Variants in PTCHD4 observed in about 807,000 individuals in gnomAD.
PTCHD4 encodes the protein patched domain containing 4.
In PTCHD4, 33 loss-of-function variants were observed where a neutral mutation model predicts 58.1. The observed-to-expected ratio is 0.57, with a 90% CI of 0.43 to 0.76. The LOEUF (loss-of-function observed/expected upper bound fraction) is 0.76. PTCHD4 is among the 30% of genes least tolerant of loss of function. The probability of loss-of-function intolerance (pLI) is 0.00; values close to 1 mark genes in which losing one functional copy is unlikely to be tolerated. For synonymous variants in PTCHD4, 478 were observed against 409.6 expected (o/e 1.17, Z -2.02); for missense variants, 1,058 against 1,027.1 (o/e 1.03, Z -0.41).
rs141959514 is a variant in PTCHD4 at position 47,962,651 on chromosome 6, G to A, written c.898+45983C>T. ...GTTTGTTGCTTCCCCTTGGCCTTCC[G>A]CCATGATTATTAGTTTCCTGAGGCC... is the stretch of plus-strand genomic sequence containing the variant. On this transcript the variant is annotated intron_variant, in intron 4 of 4. Coordinates refer to ENST00000339488, the MANE Select transcript of PTCHD4 (RefSeq NM_001384253.1). 1.1e-4 allele frequency among the ~76,000 whole-genome samples: 17 copies of A among 152,222 alleles called. No individual in the cohort carries two copies. In the East Asian group the frequency reaches 2.1e-3, roughly 19 times the overall value.
chr6:48,104,263 C>G (rs1212604116), intron 1 of PTCHD4, among the ~76,000 whole-genome samples: 2 of 152,224 alleles, frequency 1.3e-5, no homozygotes. Context: ...TCGGCAGAAA[C>G]TCTACAAGCC....
At chr6:47,933,085 AC>A (rs747568118) in intron 4 of PTCHD4, among the ~76,000 whole-genome samples, 9 of 152,236 alleles carry the variant, frequency 5.9e-5, no homozygotes, top group Non-Finnish European at 1.3e-4. Flanking sequence ...GTTCAAGGTT[AC>A]ACTTTCTGCA....
chr6:47,976,995 A>T (rs1037237180), intron 4 of PTCHD4, among the ~76,000 whole-genome samples: 2 of 152,148 alleles, frequency 1.3e-5, no homozygotes, highest in East Asian at 3.9e-4. Flanking sequence ...TAATTCGAGG[A>T]TGTTATTAAA....
chr6:47,949,584 T>C (rs1327812039), intron 4 of PTCHD4, among the ~76,000 whole-genome samples: 1 of 152,150 alleles, frequency 6.6e-6, no homozygotes, highest in Non-Finnish European at 1.5e-5. Flanking sequence ...GGGGTTGCTA[T>C]GGCTGTCTGT....
intron 4 of PTCHD4, among the ~76,000 whole-genome samples, chr6:47,945,152 C>A (rs1205620208): frequency 6.6e-6 from 1 of 152,002 alleles, no homozygotes; most frequent in Non-Finnish European, 1.5e-5. Flanking sequence ...TTACTATAAT[C>A]ATTAGGTACA....
At chr6:48,011,322 A>T in intron 3 of PTCHD4, among the ~76,000 whole-genome samples, 1 of 152,150 alleles carries the variant, frequency 6.6e-6, no homozygotes, top group East Asian at 1.9e-4. Context: ...CATTTCTCTA[A>T]TGAGCAGTGA....
intron 4 of PTCHD4, among the ~76,000 whole-genome samples, chr6:47,928,839 TTGAA>T (rs1283072450): frequency 1.3e-5 from 2 of 152,186 alleles, no homozygotes; most frequent in South Asian, 2.1e-4. Context: ...GTTTTTAATG[TTGAA>T]TGAATGAGTT....
chr6:47,914,372 G>A (rs1300934411), intron 4 of PTCHD4, among the ~76,000 whole-genome samples: 2 of 152,056 alleles, frequency 1.3e-5, no homozygotes, highest in Admixed American at 6.6e-5. Flanking sequence ...AAAGCCAATT[G>A]TTCTCAATGT....
chr6:48,082,570 C>A (rs999494363), intron 1 of PTCHD4, among the ~76,000 whole-genome samples: 2 of 152,190 alleles, frequency 1.3e-5, no homozygotes, highest in Non-Finnish European at 2.9e-5. Flanking sequence ...CTTCTATCCA[C>A]ATCTTCCTAC....
chr6:47,984,821 TTGAA>T (rs1768002372), intron 4 of PTCHD4, among the ~76,000 whole-genome samples: 1 of 152,012 alleles, frequency 6.6e-6, no homozygotes, highest in African/African-American at 2.4e-5. Context: ...TAAAATAAAT[TTGAA>T]TGTAATATAA....
intron 4 of PTCHD4, among the ~76,000 whole-genome samples, chr6:47,890,336 A>T (rs931398092): frequency 6.6e-6 from 1 of 152,094 alleles, no homozygotes; most frequent in Non-Finnish European, 1.5e-5. Flanking sequence ...AAGTGGGCCA[A>T]ACTTGGTAAT....
chr6:48,032,069 C>CAA (rs1191760705), intron 3 of PTCHD4, among the ~76,000 whole-genome samples: 49 of 140,278 alleles, frequency 3.5e-4, no homozygotes, highest in Non-Finnish European at 6.7e-4. Flanking sequence ...TCCACAAACC[C>CAA]CAGGCATTTT....
intron 1 of PTCHD4, among the ~76,000 whole-genome samples, chr6:48,070,155 GTATATA>G (rs910679496): frequency 4.0e-5 from 4 of 100,266 alleles, no homozygotes; most frequent in East Asian, 2.7e-4. Flanking sequence ...GTGTGTGTGT[GTATATA>G]TATATATGAA....
intron 3 of PTCHD4, among the ~76,000 whole-genome samples, chr6:48,059,655 C>CA (rs973646459): frequency 6.6e-6 from 1 of 151,816 alleles, no homozygotes; most frequent in Admixed American, 6.6e-5. Context: ...AACAAACAAA[C>CA]AAAAAAGTAC....
At chr6:47,946,394 G>A (rs1766419689) in intron 4 of PTCHD4, among the ~76,000 whole-genome samples, 1 of 152,060 alleles carries the variant, frequency 6.6e-6, no homozygotes, top group Non-Finnish European at 1.5e-5. Flanking sequence ...TATCAGAATT[G>A]TTGCATCTTT....
chr6:47,923,550 T>C (rs940140898), intron 4 of PTCHD4, among the ~76,000 whole-genome samples: 7 of 152,178 alleles, frequency 4.6e-5, no homozygotes, highest in Non-Finnish European at 8.8e-5. Flanking sequence ...AAAACTGGTG[T>C]TGTTTTTGTT....
At chr6:48,015,721 T>G (rs1762844930) in intron 3 of PTCHD4, among the ~76,000 whole-genome samples, 4 of 152,026 alleles carry the variant, frequency 2.6e-5, no homozygotes, top group Admixed American at 2.0e-4. Flanking sequence ...GAAATGATCT[T>G]ATTTTATCAT....
chr6:48,013,755 A>C (rs569540308), intron 3 of PTCHD4, among the ~76,000 whole-genome samples: 1 of 152,174 alleles, frequency 6.6e-6, no homozygotes, highest in Non-Finnish European at 1.5e-5. Flanking sequence ...GAAAGTTTTT[A>C]AAAAGCATTA....
At position 47,864,648 on chromosome 6, in the gene PTCHD4, A is replaced by G. The variant is rs1317731991; in HGVS notation, c.*13655T>C. ...CTCTTTTACATTTTCTCAAGTTGTT[A>G]TCTGCTTCCTCATCCTCACGTATTT... is the stretch of plus-strand genomic sequence containing the variant. On this transcript the variant is annotated 3_prime_UTR_variant, in exon 5 of 5. Transcript: ENST00000339488. 3.3e-5 allele frequency among the ~76,000 whole-genome samples: 5 copies of G among 150,636 alleles called. No individual in the cohort carries two copies. The highest frequency in any genetic ancestry group is 1.2e-4 in the African/African-American group (5 of 41,114).
Sources: gnomAD v4.1 joint callset for allele counts (sites outside exome capture counted in the v4.1 genomes callset) on GRCh38, gnomAD v4.1.1 for gene constraint, MANE v1.5 for transcripts, NCBI Gene and HGNC (gene_info 2026-07-23, HGNC 2026-07-21) for gene names.